Variants in RTTN observed in about 807,000 individuals in gnomAD.
RTTN encodes rotatin.
A neutral mutation model predicts 269.2 loss-of-function variants in RTTN; 182 were observed. The observed-to-expected ratio is 0.68, with a 90% CI of 0.60 to 0.76. RTTN has a LOEUF of 0.76. RTTN is among the 30% of genes least tolerant of loss of function. The pLI is 0.00. For missense variants in RTTN, 2,545 were observed against 2,608.6 expected, an observed-to-expected ratio of 0.98 and a Z score of 0.53; for synonymous variants, 1,006 against 963.5, an observed-to-expected ratio of 1.04 and a Z score of -0.82.
chr18:70,032,338 G>C (rs2057039680), intron 40 of RTTN, among the ~76,000 whole-genome samples: 1 of 152,182 alleles, frequency 6.6e-6, no homozygotes, highest in African/African-American at 2.4e-5. Flanking sequence ...CAGACTGCCT[G>C]ACTAGCAGAG....
At chr18:70,011,953 G>A (rs1293013670) in intron 46 of RTTN, among the ~76,000 whole-genome samples, 3 of 151,624 alleles carry the variant, frequency 2.0e-5, no homozygotes, top group Non-Finnish European at 4.4e-5. Context: ...ACTGGTATTG[G>A]TTACAGGGCA....
chr18:70,194,815 C>T (rs1463743300), intron 7 of RTTN: 3 of 152,092 alleles, frequency 2.0e-5, no homozygotes, highest in Non-Finnish European at 4.4e-5. Context: ...GGAATCACTG[C>T]TTAATGATTA....
chr18:70,082,503 A>T (rs778840379), intron 32 of RTTN, among the ~76,000 whole-genome samples: 1 of 152,182 alleles, frequency 6.6e-6, no homozygotes, highest in Non-Finnish European at 1.5e-5. Flanking sequence ...AGTTTCAGGG[A>T]TACGGATTTC....
rs1017125527 is a variant in RTTN at position 70,042,366 on chromosome 18, CTTTTTTTTTTT to C, written c.5541+5594_5541+5604del. Among the ~76,000 whole-genome samples the C allele has an allele frequency of 1.3e-4, 10 of 78,072 alleles. No individual in the cohort carries two copies. The South Asian group carries it at 2.2e-3, about 17-fold the overall frequency. The allele number at this position is 78,072 out of a possible 152,430, so 51.2% of individuals were successfully genotyped here. ...GGAATTCTAAGGGCTTTGGAATTTT[CTTTTTTTTTTT>C]TTTTTTTTTTTTTTTTGAGACGGAG... On this transcript the variant is annotated intron_variant, in intron 40 of 48. Transcript: ENST00000640769.
At chr18:70,079,426 CA>C in intron 32 of RTTN, among the ~76,000 whole-genome samples, 1 of 152,190 alleles carries the variant, frequency 6.6e-6, no homozygotes, top group South Asian at 2.1e-4. Context: ...AGGATATGCA[CA>C]AAGGATGGCC....
intron 14 of RTTN, among the ~76,000 whole-genome samples, chr18:70,154,520 A>C (rs960515346): frequency 2.6e-5 from 4 of 152,090 alleles, no homozygotes; most frequent in Admixed American, 1.3e-4. Context: ...TATCTCAATG[A>C]TACTCACCTG....
At chr18:70,031,079 G>T in intron 40 of RTTN, 98 bp from the exon 41 acceptor site, 1 of 713,644 alleles carries the variant, frequency 1.4e-6, no homozygotes. Flanking sequence ...GATATTGCTA[G>T]GTTTCAACTA....
intron 14 of RTTN, among the ~76,000 whole-genome samples, chr18:70,152,209 C>T (rs1486311361): frequency 2.3e-5 from 1 of 43,914 alleles, no homozygotes; most frequent in African/African-American, 3.3e-5. Context: ...TTAATATCAT[C>T]TCTAAGCTGA....
intron 10 of RTTN, among the ~76,000 whole-genome samples, chr18:70,184,716 T>TTGTGTGTGTGTGTGTGTG (rs1555776912): frequency 3.0e-5 from 1 of 33,430 alleles, no homozygotes; most frequent in African/African-American, 6.4e-5. Flanking sequence ...TTTTTTTTTT[T>TTGTGTGTGTGTGTGTGTG]TGTGTGTGTG....
chr18:70,201,564 C>T (rs1369508510), intron 4 of RTTN, among the ~76,000 whole-genome samples: 1 of 142,938 alleles, frequency 7.0e-6, no homozygotes, highest in African/African-American at 2.6e-5. Context: ...GCCGAGATCC[C>T]ACCACTGCAC....
intron 28 of RTTN, among the ~76,000 whole-genome samples, chr18:70,106,941 T>C (rs1233762656): frequency 6.6e-6 from 1 of 152,190 alleles, no homozygotes; most frequent in Non-Finnish European, 1.5e-5. Flanking sequence ...CGAACACAGT[T>C]AGCAATCAAA....
At chr18:70,025,427 C>T (rs1344112221) in intron 43 of RTTN, among the ~76,000 whole-genome samples, 1 of 152,136 alleles carries the variant, frequency 6.6e-6, no homozygotes. Flanking sequence ...TAAAATATAG[C>T]TGTTTAAGTG....
chr18:70,192,291 TA>T (rs1343435564), intron 8 of RTTN, among the ~76,000 whole-genome samples: 1 of 152,138 alleles, frequency 6.6e-6, no homozygotes, highest in Non-Finnish European at 1.5e-5. Flanking sequence ...CTAAAGAGAC[TA>T]ATATGTTTCT....
intron 28 of RTTN, among the ~76,000 whole-genome samples, chr18:70,107,373 T>G (rs2145418419): frequency 6.6e-6 from 1 of 152,358 alleles, no homozygotes; most frequent in South Asian, 2.1e-4. Flanking sequence ...TCTGCCAAGA[T>G]TTAGATTGGC....
chr18:70,199,249 AT>A (rs1393070184), intron 5 of RTTN, among the ~76,000 whole-genome samples, 164 bp downstream of exon 5: 1 of 150,322 alleles, frequency 6.7e-6, no homozygotes, highest in Non-Finnish European at 1.5e-5. Context: ...GCAAATAGGA[AT>A]TTTTTTCTGG....
chr18:70,030,752 A>T, intron 41 of RTTN, 124 bp downstream of exon 41: 1 of 591,660 alleles, frequency 1.7e-6, no homozygotes, highest in Non-Finnish European at 2.8e-6. Context: ...AATTATTTTT[A>T]GTGACACTGA....
chr18:70,168,750 C>T, intron 12 of RTTN, 105 bp downstream of exon 12: 1 of 809,604 alleles, frequency 1.2e-6, no homozygotes. Flanking sequence ...ATAATGTATC[C>T]CACCTGTGAC....
intron 14 of RTTN, among the ~76,000 whole-genome samples, chr18:70,155,752 G>A (rs968040707): frequency 3.9e-5 from 6 of 152,366 alleles, no homozygotes; most frequent in South Asian, 2.1e-4. Context: ...CGGAGGGACC[G>A]GCTGAAGCCA....
chr18:70,123,601 G>A (rs1343208870), intron 25 of RTTN, among the ~76,000 whole-genome samples: 14 of 151,868 alleles, frequency 9.2e-5, no homozygotes, highest in Admixed American at 9.2e-4. Flanking sequence ...TTCTCTGTGT[G>A]CCTGGTATCT....
Sources: gnomAD v4.1 joint callset for allele counts (sites outside exome capture counted in the v4.1 genomes callset) on GRCh38, gnomAD v4.1.1 for gene constraint, MANE v1.5 for transcripts, NCBI Gene and HGNC (gene_info 2026-07-23, HGNC 2026-07-21) for gene names.